The following CPAMD8 variants were observed in gnomAD, a reference collection of about 807,000 sequenced individuals.
CPAMD8 encodes C3 and PZP-like alpha-2-macroglobulin domain-containing protein 8.
Under a neutral mutation model 224.7 loss-of-function variants are expected in CPAMD8, and 146 were observed. That is an observed-to-expected ratio of 0.65 (90% confidence interval 0.57 to 0.75). CPAMD8 has a LOEUF of 0.75. Ranked by LOEUF, CPAMD8 falls within the 30% of genes least tolerant of loss-of-function variation. The probability of loss-of-function intolerance (pLI) is 0.00; values close to 1 mark genes in which losing one functional copy is unlikely to be tolerated. For missense variants in CPAMD8, 2,301 were observed against 2,537.5 expected, an observed-to-expected ratio of 0.91 and a Z score of 2.00; for synonymous variants, 966 against 1,044.6, an observed-to-expected ratio of 0.92 and a Z score of 1.45.
intron 13 of CPAMD8, among the ~76,000 whole-genome samples, chr19:16,988,286 C>T (rs2055816181): frequency 6.6e-6 from 1 of 152,120 alleles, no homozygotes; most frequent in Non-Finnish European, 1.5e-5. Context: ...CATTGTCAGC[C>T]CTGGGCCACA....
At position 16,896,307 on chromosome 19, in the gene CPAMD8, C is replaced by T. The variant is rs375631073; in HGVS notation, c.5295G>A (p.Ser1765=). ...CCALEQRLPA[S]SSSTYGDDLA... The stretch of plus-strand genomic sequence containing the variant: ...GGTCATCCCCGTAGGTGGAGGACGA[C>T]GAGGCCGGCAGCCGCTGCTCTGGAA... Residue 1765 remains serine, a synonymous_variant, in exon 41 of 42, where the codon TCG becomes TCA. Coordinates refer to ENST00000443236, the MANE Select transcript of CPAMD8 (RefSeq NM_015692.5). The T allele has an allele frequency of 9.6e-5, 155 of 1,608,574 alleles. No homozygotes were observed. Among genetic ancestry groups the T allele is most frequent in the Middle Eastern group, 1.7e-4 (1 of 6,054 alleles).
Position 16,914,704 on chromosome 19 carries a change from CGGCCTGCTG to C in CPAMD8, c.3730_3738del (p.Gln1244_Ala1246del). 1 of 1,614,134 alleles carries C rather than the reference CGGCCTGCTG, an allele frequency of 6.2e-7. No homozygotes were observed. The highest frequency in any genetic ancestry group is 8.5e-7 in the Non-Finnish European group (1 of 1,179,990). ...CTGCCCACGGCCAGGAAGGAGCCAT[CGGCCTGCTG>C]CTGCTGGATGATCCAGCTCTTGGCG... On this transcript the variant is annotated inframe_deletion, in exon 28 of 42. Transcript: ENST00000443236.
At chr19:16,997,425 G>C in intron 10 of CPAMD8, 87 bp from the exon 11 acceptor site, 1 of 795,390 alleles carries the variant, frequency 1.3e-6, no homozygotes, top group Non-Finnish European at 2.2e-6. Context: ...TGAGGTGCAA[G>C]ACTCTTCAGC....
chr19:17,017,595 T>C (rs996361869), intron 3 of CPAMD8, among the ~76,000 whole-genome samples: 2 of 152,206 alleles, frequency 1.3e-5, no homozygotes, highest in African/African-American at 2.4e-5. Flanking sequence ...ACCCACCAGA[T>C]GCCAGTAGCA....
At chr19:16,944,849 G>A (rs899908556) in intron 22 of CPAMD8, among the ~76,000 whole-genome samples, 12 of 152,056 alleles carry the variant, frequency 7.9e-5, no homozygotes, top group African/African-American at 2.9e-4. Flanking sequence ...TTGCAGCTGG[G>A]CCTCTGGGGA....
At chr19:16,903,412 G>T in intron 34 of CPAMD8, 149 bp downstream of exon 34, 1 of 1,165,402 alleles carries the variant, frequency 8.6e-7, no homozygotes, top group Non-Finnish European at 1.2e-6. Flanking sequence ...GCCTTGGGCA[G>T]TATTAGAAGG....
At position 16,896,595 on chromosome 19, in the gene CPAMD8, G is replaced by A. The variant is rs1280949641; in HGVS notation, c.5136C>T (p.Cys1712=). 4 of 1,507,582 alleles carry A rather than the reference G, an allele frequency of 2.7e-6. No individual in the cohort carries two copies. Among genetic ancestry groups the A allele is most frequent in the Admixed American group, 2.0e-5 (1 of 48,814 alleles). 93.4% of individuals were successfully genotyped at this position (1,507,582 alleles called of 1,614,324 possible). The stretch of plus-strand genomic sequence containing the variant: ...TCCCCTGGGCGCCGCAGTCGTGGTC[G>A]CAGCCGCATCGCGCGATCGCCGCCC... ...EEGAAIARCG[C]DHDCGAQGNP... is the part of the protein sequence containing the mutation. The change falls in exon 40 of 42, where the codon TGC becomes TGT. Residue 1712 remains cysteine, a synonymous_variant. Coordinates refer to ENST00000443236, the MANE Select transcript of CPAMD8 (RefSeq NM_015692.5).
At chr19:17,015,171 G>A (rs2056777888) in intron 3 of CPAMD8, among the ~76,000 whole-genome samples, 1 of 152,194 alleles carries the variant, frequency 6.6e-6, no homozygotes, top group Admixed American at 6.5e-5. Flanking sequence ...GAACCCAGAA[G>A]GCAGAGGTTG....
At position 16,976,179 on chromosome 19, in the gene CPAMD8, A is replaced by C. The variant is rs1215714734; in HGVS notation, c.1759-28T>G. The C allele has an allele frequency of 5.0e-6, 8 of 1,596,144 alleles. 1 individual carries two copies. The East Asian group carries it at 1.8e-4, about 36-fold the overall frequency. On this transcript the variant is annotated intron_variant, in intron 15 of 41. Coordinates refer to ENST00000443236, the MANE Select transcript of CPAMD8 (RefSeq NM_015692.5). ...TGGCGCAAATGCAGCAAGGGATAAG[A>C]AACTTGGTTCAGTTGGCTGTGAGTG...
At chr19:16,930,801 G>A (rs35836643) in intron 23 of CPAMD8, among the ~76,000 whole-genome samples, 55,148 of 152,040 alleles carry the variant, frequency 0.36, 11,751 homozygotes, top group East Asian at 0.57. Flanking sequence ...GCAGGGCACC[G>A]TATCGAGATC....
Position 16,896,156 on chromosome 19 carries a change from G to A in CPAMD8, c.5426+20C>T. ...TATTGAGCCTATGTCTCTTATCTCT[G>A]GGGTGGGCCCAGCTGTTACCTGTCC... On this transcript the variant is annotated intron_variant, in intron 41 of 41. Coordinates refer to ENST00000443236, the MANE Select transcript of CPAMD8 (RefSeq NM_015692.5). 6.2e-7 allele frequency: 1 copy of A among 1,613,316 alleles called. No individual in the cohort carries two copies. The highest frequency in any genetic ancestry group is 8.5e-7 in the Non-Finnish European group (1 of 1,179,730).
intron 21 of CPAMD8, 64 bp downstream of exon 21, chr19:16,947,010 T>C: frequency 6.6e-7 from 1 of 1,506,902 alleles, no homozygotes; most frequent in Non-Finnish European, 8.9e-7. Flanking sequence ...CCAACTCGGG[T>C]CAATGCCAGG....
At chr19:16,979,405 T>TCCATCCAG in intron 14 of CPAMD8, among the ~76,000 whole-genome samples, 1 of 147,470 alleles carries the variant, frequency 6.8e-6, no homozygotes, top group Admixed American at 6.7e-5. Flanking sequence ...CATCCATCCA[T>TCCATCCAG]CCATCCATCT....
In CPAMD8 at chr19:17,022,058, C is replaced by T. The variant is rs182405923; in HGVS notation, c.216G>A (p.Pro72=). ...VQAQLVAQGE[P]VVQSQGAILD... is the part of the protein sequence containing the mutation. ...GGATGGCTCCCTGGCTCTGCACCAC[C>T]GGCTCACCCTGGGCCACCAGCTGAG... Residue 72 remains proline (P), a synonymous_variant, in exon 2 of 42, where the codon CCG becomes CCA. Coordinates refer to ENST00000443236, the MANE Select transcript of CPAMD8 (RefSeq NM_015692.5). 1.9e-3 allele frequency: 3,012 copies of T among 1,605,442 alleles called. 2 individuals are homozygous for T. Among genetic ancestry groups the T allele is most frequent in the African/African-American group, 5.2e-3 (393 of 74,888 alleles).
chr19:16,942,011 A>C (rs1440531944), intron 22 of CPAMD8, among the ~76,000 whole-genome samples: 2 of 149,924 alleles, frequency 1.3e-5, no homozygotes, highest in African/African-American at 2.5e-5. Context: ...ACTGTGAAGC[A>C]CCTCCCCTTC....
At chr19:16,902,937 G>A in intron 34 of CPAMD8, 74 bp from the exon 35 acceptor site, 1 of 882,656 alleles carries the variant, frequency 1.1e-6, no homozygotes, top group South Asian at 1.9e-5. Context: ...GGAGGAGAAG[G>A]GCAGTGGGGA....
chr19:16,977,232 C>T, intron 15 of CPAMD8, 136 bp downstream of exon 15: 1 of 646,080 alleles, frequency 1.5e-6, no homozygotes, highest in Non-Finnish European at 2.7e-6. Flanking sequence ...AAAGATGCAA[C>T]TCATGTTCCC....
At chr19:16,894,464 A>T in intron 41 of CPAMD8, 2 of 456,624 alleles carry the variant, frequency 4.4e-6, no homozygotes, top group Non-Finnish European at 8.8e-6. Flanking sequence ...AAAGATTCCT[A>T]TGGGGCCGCC....
chr19:16,924,666 C>T (rs1204625170), intron 26 of CPAMD8, among the ~76,000 whole-genome samples: 1 of 152,194 alleles, frequency 6.6e-6, no homozygotes, highest in Non-Finnish European at 1.5e-5. Context: ...CTGCAGCCTC[C>T]AACTCCTGGG....
Sources: allele counts gnomAD v4.1 joint callset (sites outside exome capture counted in the v4.1 genomes callset), GRCh38; gene constraint gnomAD v4.1.1; transcripts MANE v1.5; gene names NCBI Gene and HGNC (gene_info 2026-07-23, HGNC 2026-07-21).